SLC12A2: variants seen among roughly 807,000 people sequenced by gnomAD.
SLC12A2 encodes the protein solute carrier family 12 member 2.
Under a neutral mutation model 136.3 loss-of-function variants are expected in SLC12A2, and 67 were observed. The ratio of observed to expected loss-of-function variants is 0.49; its 90% confidence interval spans 0.40 to 0.60. SLC12A2 has a LOEUF of 0.60. Among genes scored for constraint, SLC12A2 ranks in the 20% least tolerant of loss-of-function variants. The pLI is 0.00. For missense variants in SLC12A2, 1,322 were observed against 1,534.7 expected (o/e 0.86, Z 2.32); for synonymous variants, 619 against 562.9 (o/e 1.10, Z -1.41).
At chr5:128,094,911 C>T (rs1760466904) in intron 1 of SLC12A2, among the ~76,000 whole-genome samples, 1 of 152,080 alleles carries the variant, frequency 6.6e-6, no homozygotes, top group Non-Finnish European at 1.5e-5. Flanking sequence ...CCACATTTGG[C>T]TAGTTGTTAT....
intron 23 of SLC12A2, among the ~76,000 whole-genome samples, chr5:128,182,190 CAT>C (rs1347268504): frequency 1.3e-5 from 2 of 152,114 alleles, no homozygotes; most frequent in Admixed American, 6.5e-5. Flanking sequence ...TCTGTTTTCT[CAT>C]ATCTCAATTT....
At chr5:128,113,132 T>A (rs1182568743) in intron 2 of SLC12A2, among the ~76,000 whole-genome samples, 199 bp downstream of exon 2, 1 of 152,222 alleles carries the variant, frequency 6.6e-6, no homozygotes, top group Non-Finnish European at 1.5e-5. Context: ...GATATGCCAT[T>A]TATTTTGCCA....
At position 128,188,036 on chromosome 5, in the gene SLC12A2, A is replaced by G. The variant is rs1267642831; in HGVS notation, c.*1405A>G. ...CATATGTGTATATATAATGAAATTT[A>G]TGTTGCTGGTATTTTGCATTTTAAA... On this transcript the variant is annotated 3_prime_UTR_variant, in exon 27 of 27. Coordinates refer to ENST00000262461, the MANE Select transcript of SLC12A2 (RefSeq NM_001046.3). 1 of 152,350 alleles carries G rather than the reference A, an allele frequency of 6.6e-6. No individual in the cohort carries two copies. The highest frequency in any genetic ancestry group is 1.5e-5 in the Non-Finnish European group (1 of 68,028). 9.4% of individuals were successfully genotyped at this position (152,350 alleles called of 1,614,324 possible). A position where few individuals can be genotyped will look rare whatever the true frequency, so the allele number is the denominator to read the frequency against.
intron 4 of SLC12A2, among the ~76,000 whole-genome samples, chr5:128,120,650 A>G (rs1257614969): frequency 6.6e-6 from 1 of 151,414 alleles, no homozygotes; most frequent in Non-Finnish European, 1.5e-5. Flanking sequence ...ATAGATGGGA[A>G]TTGAACAATG....
chr5:128,155,353 A>G (rs1237868773), intron 15 of SLC12A2, among the ~76,000 whole-genome samples: 1 of 152,202 alleles, frequency 6.6e-6, no homozygotes, highest in Non-Finnish European at 1.5e-5. Context: ...TCTTTCATCT[A>G]CGTATGCCTA....
chr5:128,157,075 T>C (rs1762891591), intron 15 of SLC12A2, among the ~76,000 whole-genome samples: 1 of 152,182 alleles, frequency 6.6e-6, no homozygotes, highest in Non-Finnish European at 1.5e-5. Context: ...CTAAGTAAGA[T>C]GGTATTTTTT....
chr5:128,180,857 T>C (rs1280257969), intron 22 of SLC12A2, 26 bp from the exon 23 acceptor site: 5 of 1,316,260 alleles, frequency 3.8e-6, no homozygotes, highest in South Asian at 2.4e-5. Flanking sequence ...ATTTAGTAAA[T>C]GATTTATTAC....
chr5:128,125,227 C>T (rs1456845985), intron 4 of SLC12A2, among the ~76,000 whole-genome samples: 1 of 152,210 alleles, frequency 6.6e-6, no homozygotes, highest in African/African-American at 2.4e-5. Context: ...CTCGAGTCTT[C>T]TCACAGCTTT....
intron 15 of SLC12A2, among the ~76,000 whole-genome samples, chr5:128,153,293 G>A (rs893042903): frequency 2.6e-5 from 4 of 152,182 alleles, no homozygotes; most frequent in Admixed American, 6.5e-5. Context: ...GGTGGCTCAC[G>A]CCTGTAATCC....
At chr5:128,177,288 T>C in intron 21 of SLC12A2, 136 bp downstream of exon 21, 1 of 550,222 alleles carries the variant, frequency 1.8e-6, no homozygotes, top group Non-Finnish European at 3.1e-6. Context: ...AAATGCAGAT[T>C]AGAAAAATTA....
chr5:128,184,769 A>ATT lies in SLC12A2; in HGVS notation c.3436-20_3436-19insTT. ...CTTATTTCCACATGGTCTAGGAATG[A>ATT]CTGTCCTGTTTCATTTCAGACATAC... On this transcript the variant is annotated intron_variant, in intron 25 of 26. Transcript: ENST00000262461. The ATT allele has an allele frequency of 6.2e-7, 1 of 1,611,312 alleles. No homozygotes were observed. Among genetic ancestry groups the ATT allele is most frequent in the South Asian group, 1.1e-5 (1 of 90,952 alleles).
In SLC12A2 at chr5:128,111,074, C is replaced by T. The variant is rs1581070256; in HGVS notation, c.757-1740C>T. 7.0e-6 allele frequency: 4 copies of T among 571,888 alleles called. No homozygotes were observed. In the East Asian group the frequency reaches 1.3e-4, roughly 19 times the overall value. 35.4% of individuals were successfully genotyped at this position (571,888 alleles called of 1,614,324 possible). A position where few individuals can be genotyped will look rare whatever the true frequency, so the allele number is the denominator to read the frequency against. ...AAAAGAATTTTTTTAAGTATTAATTCCATGGACAATATAAAATCTGTGTGA... is the reference window on the plus strand; with the variant it reads ...AAAAGAATTTTTTTAAGTATTAATTTCATGGACAATATAAAATCTGTGTGA... On this transcript the variant is annotated intron_variant, in intron 1 of 26. Coordinates refer to ENST00000262461, the MANE Select transcript of SLC12A2 (RefSeq NM_001046.3).
chr5:128,096,951 G>T (rs1055971508), intron 1 of SLC12A2, among the ~76,000 whole-genome samples: 1 of 151,966 alleles, frequency 6.6e-6, no homozygotes, highest in African/African-American at 2.4e-5. Flanking sequence ...ATAAGAACAG[G>T]ACCTGAATTT....
At chr5:128,179,404 C>G (rs913562208) in intron 22 of SLC12A2, among the ~76,000 whole-genome samples, 4 of 152,070 alleles carry the variant, frequency 2.6e-5, no homozygotes, top group African/African-American at 9.7e-5. Flanking sequence ...TCATTGATTC[C>G]TATTTTATTG....
chr5:128,093,735 A>T (rs770620792), intron 1 of SLC12A2, among the ~76,000 whole-genome samples: 4 of 152,128 alleles, frequency 2.6e-5, no homozygotes, highest in Non-Finnish European at 5.9e-5. Flanking sequence ...ATTTTTTGAC[A>T]TTGAAAGTAA....
chr5:128,178,217 C>T (rs1763593296), intron 21 of SLC12A2, among the ~76,000 whole-genome samples: 1 of 152,084 alleles, frequency 6.6e-6, no homozygotes, highest in Non-Finnish European at 1.5e-5. Context: ...TTGATTTGTC[C>T]AGTTTGACTA....
At chr5:128,172,359 C>T (rs777619866) in intron 19 of SLC12A2, among the ~76,000 whole-genome samples, 1 of 128,964 alleles carries the variant, frequency 7.8e-6, no homozygotes, top group Non-Finnish European at 1.6e-5. Context: ...GAACAATCCA[C>T]AGACCTTTTT....
At position 128,187,459 on chromosome 5, in the gene SLC12A2, C is replaced by G. The variant is rs1187803321; in HGVS notation, c.*828C>G. On this transcript the variant is annotated 3_prime_UTR_variant, in exon 27 of 27. Coordinates refer to ENST00000262461, the MANE Select transcript of SLC12A2 (RefSeq NM_001046.3). ...CATTTATATTTATTTGGAGAGAAAACTGTCCTAATTTAGAATTTCCCTCAA... is the reference window on the plus strand; with the variant it reads ...CATTTATATTTATTTGGAGAGAAAAGTGTCCTAATTTAGAATTTCCCTCAA... 1 of 152,070 alleles carries G rather than the reference C, an allele frequency of 6.6e-6. No individual in the cohort carries two copies. The highest frequency in any genetic ancestry group is 6.6e-5 in the Admixed American group (1 of 15,266). The allele number at this position is 152,070 out of a possible 1,614,324, so 9.4% of individuals were successfully genotyped here. A position where few individuals can be genotyped will look rare whatever the true frequency, so the allele number is the denominator to read the frequency against.
Position 128,083,831 on chromosome 5 carries a change from G to A in SLC12A2, c.-124G>A. ...CGTCCAGGCTAGCGGCGGCCCGCAG[G>A]CGGCGGGGAGAAAGACTCTCTCACC... is the stretch of plus-strand genomic sequence containing the variant. On this transcript the variant is annotated 5_prime_UTR_variant, in exon 1 of 27. Transcript: ENST00000262461. The A allele has an allele frequency of 1.4e-6, 1 of 735,906 alleles. No individual in the cohort carries two copies. The highest frequency in any genetic ancestry group is 1.8e-6 in the Non-Finnish European group (1 of 541,600). 45.6% of individuals were successfully genotyped at this position (735,906 alleles called of 1,614,324 possible). A position where few individuals can be genotyped will look rare whatever the true frequency, so the allele number is the denominator to read the frequency against.
Sources: gnomAD v4.1 joint callset for allele counts (sites outside exome capture counted in the v4.1 genomes callset) on GRCh38, gnomAD v4.1.1 for gene constraint, MANE v1.5 for transcripts, NCBI Gene and HGNC (gene_info 2026-07-23, HGNC 2026-07-21) for gene names.